SEMA4D: variants seen among roughly 807,000 people sequenced by gnomAD.
SEMA4D encodes the protein semaphorin 4D.
In SEMA4D, 22 loss-of-function variants were observed where a neutral mutation model predicts 74.8. The ratio of observed to expected loss-of-function variants is 0.29; its 90% CI spans 0.21 to 0.42. The LOEUF (loss-of-function observed/expected upper bound fraction) is 0.42. Ranked by LOEUF, SEMA4D falls within the 10% of genes least tolerant of loss-of-function variation. The pLI, the probability that SEMA4D is intolerant of heterozygous loss-of-function variation, is 1.00. For synonymous variants in SEMA4D, 445 were observed against 463.7 expected (o/e 0.96, Z 0.52); for missense variants, 937 against 1,118.4 (o/e 0.84, Z 2.31).
At chr9:89,442,327 AGGAGG>A (rs1851855016) in intron 2 of SEMA4D, among the ~76,000 whole-genome samples, 1 of 152,218 alleles carries the variant, frequency 6.6e-6, no homozygotes, top group African/African-American at 2.4e-5. Flanking sequence ...CTGTCAGAAG[AGGAGG>A]GAGCTACCTG....
At chr9:89,423,361 T>C (rs1357174784) in intron 2 of SEMA4D, among the ~76,000 whole-genome samples, 1 of 152,120 alleles carries the variant, frequency 6.6e-6, no homozygotes, top group Non-Finnish European at 1.5e-5. Flanking sequence ...CTGGCTAATT[T>C]TGTATTTTTC....
intron 1 of SEMA4D, among the ~76,000 whole-genome samples, chr9:89,474,328 G>C (rs1168002045): frequency 2.0e-5 from 3 of 152,172 alleles, no homozygotes; most frequent in Non-Finnish European, 4.4e-5. Context: ...GTTTGTGCTT[G>C]AGTTTAGCAA....
rs965771050 is a variant in SEMA4D, at chr9:89,467,834, G to T, written c.-309-11881C>A. 2.0e-5 allele frequency among the ~76,000 whole-genome samples: 3 copies of T among 152,136 alleles called. 1 individual carries two copies. Among genetic ancestry groups the T allele is most frequent in the African/African-American group, 7.2e-5 (3 of 41,444 alleles). Reference sequence around the variant, plus strand: ...CGTGAGCCACTGCACCCAGCCTCATGATTCTTATAAATTGCTGCAAGGATA... The same window carrying T: ...CGTGAGCCACTGCACCCAGCCTCATTATTCTTATAAATTGCTGCAAGGATA... On this transcript the variant is annotated intron_variant, in intron 1 of 15. Coordinates refer to ENST00000422704, the MANE Select transcript of SEMA4D (RefSeq NM_001371194.2).
chr9:89,445,961 C>T (rs73488206), intron 2 of SEMA4D, among the ~76,000 whole-genome samples: 78 of 152,184 alleles, frequency 5.1e-4, no homozygotes, highest in African/African-American at 1.3e-3. Flanking sequence ...GGAGATGAGA[C>T]GAGACCCTCA....
At chr9:89,417,079 A>T (rs111230746) in intron 2 of SEMA4D, among the ~76,000 whole-genome samples, 2,014 of 152,310 alleles carry the variant, frequency 0.013, 39 homozygotes, top group African/African-American at 0.046. Flanking sequence ...TACAGCACAG[A>T]ATGGATAAAA....
At chr9:89,491,571 A>AAACAACAACAAC (rs35705317) in intron 1 of SEMA4D, among the ~76,000 whole-genome samples, 15 of 150,652 alleles carry the variant, frequency 1.0e-4, no homozygotes, top group African/African-American at 2.7e-4. Context: ...TCTGTCTCAA[A>AAACAACAACAAC]AACAACAACA....
chr9:89,390,373 C>T (rs74833842), intron 9 of SEMA4D, among the ~76,000 whole-genome samples: 233 of 56,212 alleles, frequency 4.1e-3, no homozygotes, highest in African/African-American at 0.017. Flanking sequence ...TGCGGGGCTG[C>T]GGGGCAGCTG....
chr9:89,384,273 G>A (rs986084177), intron 13 of SEMA4D, among the ~76,000 whole-genome samples: 4 of 152,204 alleles, frequency 2.6e-5, no homozygotes, highest in African/African-American at 7.2e-5. Flanking sequence ...CACAAAATGC[G>A]GGACTCACAA....
chr9:89,392,781 G>A (rs1255264655), intron 7 of SEMA4D, among the ~76,000 whole-genome samples: 4 of 152,156 alleles, frequency 2.6e-5, no homozygotes, highest in African/African-American at 9.7e-5. Flanking sequence ...AGGCTGGAGT[G>A]CAGTGGTGCG....
chr9:89,462,200 T>C (rs1001330400), intron 1 of SEMA4D, among the ~76,000 whole-genome samples: 1 of 152,194 alleles, frequency 6.6e-6, no homozygotes, highest in Non-Finnish European at 1.5e-5. Context: ...CAGAAAGAAA[T>C]GCCAGAAATC....
At chr9:89,385,486 C>T (rs567010776) in intron 13 of SEMA4D, 2 of 985,378 alleles carry the variant, frequency 2.0e-6, no homozygotes, top group East Asian at 1.1e-4. Context: ...CCCTTTGTGT[C>T]CTGGAGACCG....
chr9:89,402,910 G>T lies in SEMA4D; in HGVS notation c.213C>A (p.Phe71Leu). Residue 71 changes from phenylalanine (F) to leucine (L), a missense_variant, in exon 4 of 16, where the codon TTC (phenylalanine) becomes TTA (leucine). Transcript: ENST00000422704. ...CGGAGATGTTGAGTGCGTTCACAGCGAAGACCGCCTCCCGGGCACCTATGT... is the reference window on the plus strand; with the variant it reads ...CGGAGATGTTGAGTGCGTTCACAGCTAAGACCGCCTCCCGGGCACCTATGT... ...TLYIGAREAV[F>L]AVNALNISEK... 1 of 1,614,106 alleles carries T rather than the reference G, an allele frequency of 6.2e-7. No individual in the cohort carries two copies. Among genetic ancestry groups the T allele is most frequent in the Non-Finnish European group, 8.5e-7 (1 of 1,179,960 alleles).
At chr9:89,494,951 T>G (rs541235505) in intron 1 of SEMA4D, among the ~76,000 whole-genome samples, 181 of 152,316 alleles carry the variant, frequency 1.2e-3, no homozygotes, top group Admixed American at 2.6e-3. Context: ...ATGAGACACA[T>G]CAATAGCCTA....
At position 89,387,693 on chromosome 9, in the gene SEMA4D, G is replaced by A. The variant is rs114226163; in HGVS notation, c.1108-85C>T. On this transcript the variant is annotated intron_variant, in intron 11 of 15. Transcript: ENST00000422704. The stretch of plus-strand genomic sequence containing the variant: ...CCACACAAGCAGCCAACGCAGGGGG[G>A]GCTGCAAAACCTGGAAACCACACAA... The A allele has an allele frequency of 1.8e-4, 220 of 1,198,820 alleles. 2 individuals carry two copies. The South Asian group carries it at 2.3e-3, about 12-fold the overall frequency. 74.3% of individuals were successfully genotyped at this position (1,198,820 alleles called of 1,614,324 possible). A position where few individuals can be genotyped will look rare whatever the true frequency, so the allele number is the denominator to read the frequency against.
intron 15 of SEMA4D, 137 bp from the exon 16 acceptor site, chr9:89,379,766 A>C (rs112532498): frequency 6.5e-6 from 7 of 1,077,030 alleles, no homozygotes; most frequent in Admixed American, 2.8e-5. Context: ...AACTAAGGAG[A>C]TAAAGACATG....
At chr9:89,434,683 T>C (rs571541246) in intron 2 of SEMA4D, among the ~76,000 whole-genome samples, 1 of 152,328 alleles carries the variant, frequency 6.6e-6, no homozygotes, top group South Asian at 2.1e-4. Context: ...GTGAATCCTA[T>C]CTGCAAAATC....
At chr9:89,457,398 T>C (rs1000985294) in intron 1 of SEMA4D, among the ~76,000 whole-genome samples, 1 of 152,148 alleles carries the variant, frequency 6.6e-6, no homozygotes, top group African/African-American at 2.4e-5. Context: ...CAGAATCAAA[T>C]AAATGGTCTA....
intron 16 of SEMA4D, among the ~76,000 whole-genome samples, chr9:89,371,378 CATGTGTGTCTGGGGTGTG>C (rs1367922709): frequency 1.2e-4 from 5 of 40,790 alleles, no homozygotes; most frequent in Admixed American, 6.8e-4. Context: ...TGGGGTGTGG[CATGTGTGTCTGGGGTGTG>C]GTGTGTGTCT....
intron 9 of SEMA4D, among the ~76,000 whole-genome samples, chr9:89,389,622 A>G (rs1401463662): frequency 6.6e-6 from 1 of 152,248 alleles, no homozygotes; most frequent in Non-Finnish European, 1.5e-5. Context: ...CTTTTCAGGG[A>G]TCCGATGACC....
Sources: gnomAD v4.1 joint callset for allele counts (sites outside exome capture counted in the v4.1 genomes callset) on GRCh38, gnomAD v4.1.1 for gene constraint, MANE v1.5 for transcripts, NCBI Gene and HGNC (gene_info 2026-07-23, HGNC 2026-07-21) for gene names.